The following PSD3 variants were observed in gnomAD, a reference collection of about 807,000 sequenced individuals.
PSD3 encodes the protein PH and SEC7 domain-containing protein 3.
In PSD3, 49 loss-of-function variants were observed where a neutral mutation model predicts 105.5. The ratio of observed to expected loss-of-function variants is 0.46; its 90% confidence interval spans 0.37 to 0.59. The LOEUF (loss-of-function observed/expected upper bound fraction) is 0.59, where lower values mean the gene tolerates loss of function less well. Among genes scored for constraint, PSD3 ranks in the 20% least tolerant of loss-of-function variants. The probability of loss-of-function intolerance (pLI) is 0.00; values close to 1 mark genes in which losing one functional copy is unlikely to be tolerated. For missense variants in PSD3, 1,561 were observed against 1,263.8 expected (o/e 1.24, Z -3.57); for synonymous variants, 557 against 457.8 (o/e 1.22, Z -2.77).
Position 18,959,998 on chromosome 8 carries a change from C to T in PSD3, c.22-23856G>A, listed in dbSNP as rs1823813490. Among the ~76,000 whole-genome samples the T allele has an allele frequency of 2.0e-5, 3 of 152,140 alleles. No homozygotes were observed. The South Asian group carries it at 6.2e-4, about 31-fold the overall frequency. On this transcript the variant is annotated intron_variant, in intron 1 of 15. Transcript: ENST00000327040. ...TTGTTTTCAAAGCACAGTACAAGTC[C>T]CACTCCAACCTGAAAAATCATTCCA...
chr8:18,564,069 T>A (rs1259971869), intron 14 of PSD3, among the ~76,000 whole-genome samples: 1 of 151,780 alleles, frequency 6.6e-6, no homozygotes, highest in Non-Finnish European at 1.5e-5. Context: ...AAAATTTTAA[T>A]AGCTCCTTAG....
intron 2 of PSD3, among the ~76,000 whole-genome samples, chr8:18,895,386 C>T (rs1189186574): frequency 1.3e-5 from 2 of 152,198 alleles, no homozygotes; most frequent in African/African-American, 4.8e-5. Flanking sequence ...TCAGAGTCAT[C>T]ATATCTCCCC....
At chr8:18,653,603 G>T (rs1165729748) in intron 10 of PSD3, among the ~76,000 whole-genome samples, 4 of 152,162 alleles carry the variant, frequency 2.6e-5, no homozygotes, top group African/African-American at 7.2e-5. Context: ...ATCTGACTCT[G>T]AAATCCAGGC....
chr8:18,786,748 T>G (rs1809199145), intron 8 of PSD3: 1 of 152,264 alleles, frequency 6.6e-6, no homozygotes, highest in Non-Finnish European at 1.5e-5. Flanking sequence ...TTTCTATGTG[T>G]TAAAAATGTC....
intron 1 of PSD3, among the ~76,000 whole-genome samples, chr8:19,038,266 A>G (rs1481680970): frequency 6.6e-6 from 1 of 152,078 alleles, no homozygotes; most frequent in Middle Eastern, 3.2e-3. Flanking sequence ...TCTCATCCCC[A>G]TAATCTGTTT....
At chr8:18,841,699 T>C (rs1814642105) in intron 4 of PSD3, among the ~76,000 whole-genome samples, 1 of 152,084 alleles carries the variant, frequency 6.6e-6, no homozygotes, top group Non-Finnish European at 1.5e-5. Context: ...TCTTTGAGTT[T>C]TCAAGAGACC....
chr8:18,910,631 G>A (rs1469056672), intron 2 of PSD3, among the ~76,000 whole-genome samples: 11 of 80,736 alleles, frequency 1.4e-4, no homozygotes, highest in African/African-American at 5.5e-4. Context: ...AAAACTTAGA[G>A]TATAATAAAA....
intron 6 of PSD3, chr8:18,802,152 T>C (rs1280890547): frequency 9.6e-6 from 2 of 207,942 alleles, no homozygotes; most frequent in Admixed American, 4.9e-5. Context: ...CATTTTAATA[T>C]TAATTTGTTA....
intron 8 of PSD3, among the ~76,000 whole-genome samples, chr8:18,798,601 C>A (rs904413912): frequency 3.9e-5 from 6 of 152,080 alleles, no homozygotes; most frequent in African/African-American, 9.7e-5. Context: ...ATACTCTACA[C>A]AGACACCTGA....
At chr8:18,872,825 T>A (rs1043891926) in intron 2 of PSD3, 92 bp from the exon 3 acceptor site, 2 of 1,226,222 alleles carry the variant, frequency 1.6e-6, no homozygotes, top group Non-Finnish European at 2.3e-6. Context: ...AGGCACTCAA[T>A]AATACTTATT....
At chr8:18,913,513 G>A (rs539056822) in intron 2 of PSD3, among the ~76,000 whole-genome samples, 30 of 152,174 alleles carry the variant, frequency 2.0e-4, no homozygotes, top group Non-Finnish European at 4.0e-4. Flanking sequence ...GAGACTCCAG[G>A]CCTCCCAGGA....
At chr8:19,002,192 G>A (rs961195079) in intron 1 of PSD3, among the ~76,000 whole-genome samples, 1 of 152,010 alleles carries the variant, frequency 6.6e-6, no homozygotes, top group Non-Finnish European at 1.5e-5. Context: ...ACTTTGAGAG[G>A]TCATAAAGTT....
intron 4 of PSD3, among the ~76,000 whole-genome samples, chr8:18,834,385 G>T (rs1813923473): frequency 1.3e-5 from 2 of 152,138 alleles, no homozygotes. Context: ...ATAAGAGAAA[G>T]ATTAATACAA....
At chr8:18,907,470 T>G (rs1029827072) in intron 2 of PSD3, among the ~76,000 whole-genome samples, 14 of 152,198 alleles carry the variant, frequency 9.2e-5, no homozygotes, top group African/African-American at 2.4e-4. Flanking sequence ...CCACTGCACC[T>G]GGCCTTTTAT....
chr8:19,067,117 G>C (rs1338299042), intron 1 of PSD3, among the ~76,000 whole-genome samples: 1 of 152,178 alleles, frequency 6.6e-6, no homozygotes, highest in South Asian at 2.1e-4. Flanking sequence ...TGGGCAGACT[G>C]TCATTTAAAA....
chr8:18,934,702 C>T (rs1162024051), intron 2 of PSD3, among the ~76,000 whole-genome samples: 1 of 151,994 alleles, frequency 6.6e-6, no homozygotes, highest in Non-Finnish European at 1.5e-5. Flanking sequence ...AAAACTGAGC[C>T]GCAAATAAGT....
chr8:18,917,241 T>C (rs1481832175), intron 2 of PSD3, among the ~76,000 whole-genome samples: 1 of 152,360 alleles, frequency 6.6e-6, no homozygotes, highest in Non-Finnish European at 1.5e-5. Context: ...CTCGCATTCC[T>C]GCACTACTTT....
intron 11 of PSD3, among the ~76,000 whole-genome samples, chr8:18,613,286 G>A (rs962485494): frequency 2.0e-5 from 3 of 151,952 alleles, no homozygotes; most frequent in Admixed American, 6.6e-5. Context: ...TCTGAATAAC[G>A]CCCATCTGCA....
chr8:19,043,746 G>A (rs1307957949), intron 1 of PSD3, among the ~76,000 whole-genome samples: 1 of 152,120 alleles, frequency 6.6e-6, no homozygotes, highest in Non-Finnish European at 1.5e-5. Context: ...TTCCCCTTTT[G>A]CCACAGATGA....
Sources: allele counts gnomAD v4.1 joint callset (sites outside exome capture counted in the v4.1 genomes callset), GRCh38; gene constraint gnomAD v4.1.1; transcripts MANE v1.5; gene names NCBI Gene and HGNC (gene_info 2026-07-23, HGNC 2026-07-21).